TCEANC2: variants seen among roughly 807,000 people sequenced by gnomAD.
TCEANC2 encodes the protein transcription elongation factor A N-terminal and central domain-containing protein 2.
In TCEANC2, 20 loss-of-function variants were observed where a neutral mutation model predicts 22.8. The observed-to-expected ratio is 0.88, with a 90% CI of 0.62 to 1.28. The LOEUF is 1.28. Ranked by LOEUF, TCEANC2 falls within the 50% of genes most tolerant of loss-of-function variation. The probability of loss-of-function intolerance (pLI) is 0.00; values close to 1 mark genes in which losing one functional copy is unlikely to be tolerated. For missense variants in TCEANC2, 251 were observed against 249.7 expected, an observed-to-expected ratio of 1.01 and a Z score of -0.03; for synonymous variants, 84 against 95.5, an observed-to-expected ratio of 0.88 and a Z score of 0.70.
At chr1:54,083,232 A>G (rs187535597) in intron 3 of TCEANC2, among the ~76,000 whole-genome samples, 41 of 152,230 alleles carry the variant, frequency 2.7e-4, no homozygotes, top group Admixed American at 2.4e-3. Context: ...GCTCAGTGAG[A>G]ACCTTTGGCT....
In TCEANC2 at chr1:54,096,244, G is replaced by A. The variant is rs569577754; in HGVS notation, c.439-41G>A. Reference sequence around the variant, plus strand: ...AGCCTCTCTTGCTTTTAATCCTTACGCAATGTAAGGCTCTAATTTGATAAT... The same window carrying A: ...AGCCTCTCTTGCTTTTAATCCTTACACAATGTAAGGCTCTAATTTGATAAT... On this transcript the variant is annotated intron_variant, in intron 4 of 4. Coordinates refer to ENST00000234827, the MANE Select transcript of TCEANC2 (RefSeq NM_153035.3). The surrounding 1 kb of genome is among the most constrained non-coding windows in gnomAD (Gnocchi z 4.9). 3.9e-6 allele frequency: 6 copies of A among 1,556,402 alleles called. No homozygotes were observed. The highest frequency in any genetic ancestry group is 1.8e-5 in the Admixed American group (1 of 56,372).
Position 54,068,738 on chromosome 1 carries a change from GA to G in TCEANC2, c.103-17del. On this transcript the variant is annotated splice_polypyrimidine_tract_variant and intron_variant, in intron 2 of 4. Coordinates refer to ENST00000234827, the MANE Select transcript of TCEANC2 (RefSeq NM_153035.3). ...AATGAAAATGTTCCATTTTCCAAAT[GA>G]CTTTTCTTTTTCCCAGAGAGTTGTG... 2 of 1,581,846 alleles carry G rather than the reference GA, an allele frequency of 1.3e-6. No individual in the cohort carries two copies. Among genetic ancestry groups the G allele is most frequent in the Non-Finnish European group, 1.7e-6 (2 of 1,170,034 alleles).
At chr1:54,058,303 G>C (rs570581996) in intron 2 of TCEANC2, among the ~76,000 whole-genome samples, 1 of 152,104 alleles carries the variant, frequency 6.6e-6, no homozygotes, top group East Asian at 1.9e-4. Context: ...CTGAGACGCA[G>C]AGCCAATCTA....
Position 54,061,044 on chromosome 1 carries a change from G to T in TCEANC2, c.102+6520G>T, listed in dbSNP as rs149360711. Among the ~76,000 whole-genome samples, 19 of 152,248 alleles carry T rather than the reference G, an allele frequency of 1.2e-4. 1 individual carries two copies. In the East Asian group the frequency reaches 3.5e-3, roughly 28 times the overall value. ...GCAGGGCACCATAAAGGGACAGGAGGATTTGACTAGGTCTGATATACTCTA... is the reference window on the plus strand; with the variant it reads ...GCAGGGCACCATAAAGGGACAGGAGTATTTGACTAGGTCTGATATACTCTA... On this transcript the variant is annotated intron_variant, in intron 2 of 4. Transcript: ENST00000234827.
intron 4 of TCEANC2, among the ~76,000 whole-genome samples, chr1:54,095,494 A>AT (rs887931445): frequency 6.6e-6 from 1 of 152,276 alleles, no homozygotes; most frequent in African/African-American, 2.4e-5. Context: ...CCTACCCTGG[A>AT]TTCAGACCGT....
chr1:54,066,622 A>T (rs1384387297), intron 2 of TCEANC2, among the ~76,000 whole-genome samples: 2 of 152,256 alleles, frequency 1.3e-5, no homozygotes, highest in African/African-American at 4.8e-5. Flanking sequence ...ACATTTGTGT[A>T]TAAAAATAAT....
intron 2 of TCEANC2, among the ~76,000 whole-genome samples, chr1:54,062,290 TTGA>T (rs1469914842): frequency 2.6e-5 from 4 of 152,256 alleles, no homozygotes; most frequent in African/African-American, 9.6e-5. Flanking sequence ...AGTGTCCTTA[TTGA>T]TATTTTGTGT....
intron 3 of TCEANC2, among the ~76,000 whole-genome samples, chr1:54,078,704 T>C (rs1421155608): frequency 2.0e-5 from 3 of 152,178 alleles, no homozygotes; most frequent in Admixed American, 6.5e-5. Flanking sequence ...TGCCAGGAAG[T>C]GTTTGCTTGC....
At chr1:54,093,923 GCAAATGCTGCAGGA>G (rs1658494749) in intron 4 of TCEANC2, among the ~76,000 whole-genome samples, 1 of 152,068 alleles carries the variant, frequency 6.6e-6, no homozygotes, top group South Asian at 2.1e-4. Flanking sequence ...TTTCTTTCTG[GCAAATGCTGCAGGA>G]CAAATGCTGG....
intron 4 of TCEANC2, among the ~76,000 whole-genome samples, chr1:54,094,797 T>A (rs996336242): frequency 6.6e-6 from 1 of 151,966 alleles, no homozygotes; most frequent in Non-Finnish European, 1.5e-5. Context: ...AGAGAGAAAT[T>A]TGTCTCCTAT....
At position 54,096,302 on chromosome 1, in the gene TCEANC2, T is replaced by G; in HGVS notation, c.456T>G (p.Val152=). The G allele has an allele frequency of 6.3e-7, 1 of 1,596,742 alleles. No individual in the cohort carries two copies. The highest frequency in any genetic ancestry group is 1.3e-5 in the African/African-American group (1 of 74,748). Residue 152 remains valine (V), a synonymous_variant, in exon 5 of 5, where the codon GTT becomes GTG. Transcript: ENST00000234827. The surrounding 1 kb of genome is among the most constrained non-coding windows in gnomAD (Gnocchi z 4.9). ...ALELKMDHLL[V]ENIERETFHL... Reference sequence around the variant, plus strand: ...TTTTTTAGATGGATCACCTACTGGTTGAAAATATTGAACGGGAAACGTTTC... The same window carrying G: ...TTTTTTAGATGGATCACCTACTGGTGGAAAATATTGAACGGGAAACGTTTC...
intron 2 of TCEANC2, among the ~76,000 whole-genome samples, chr1:54,057,863 A>G (rs910075756): frequency 3.3e-5 from 5 of 152,050 alleles, no homozygotes; most frequent in African/African-American, 1.2e-4. Context: ...CAATTCCCCA[A>G]AGATGTTGTG....
intron 2 of TCEANC2, among the ~76,000 whole-genome samples, chr1:54,056,051 C>T (rs1657746339): frequency 6.6e-6 from 1 of 152,244 alleles, no homozygotes; most frequent in African/African-American, 2.4e-5. Context: ...TTTTTCCAGA[C>T]AGCACTTGAT....
In TCEANC2 at chr1:54,053,705, A is replaced by C. The variant is rs147598622; in HGVS notation, c.-96A>C. 1 of 154,234 alleles carries C rather than the reference A, an allele frequency of 6.5e-6. No individual in the cohort carries two copies. Among genetic ancestry groups the C allele is most frequent in the Non-Finnish European group, 1.4e-5 (1 of 69,094 alleles). 9.6% of individuals were successfully genotyped at this position (154,234 alleles called of 1,614,324 possible). On this transcript the variant is annotated 5_prime_UTR_variant, in exon 1 of 5. Coordinates refer to ENST00000234827, the MANE Select transcript of TCEANC2 (RefSeq NM_153035.3). ...CACAGACGACTGGGCTTGGGAGCCT[A>C]CGAGGTTGCAGTCTGGAGGGCGCCA... is the stretch of plus-strand genomic sequence containing the variant.
At chr1:54,062,541 T>C (rs1281628520) in intron 2 of TCEANC2, among the ~76,000 whole-genome samples, 1 of 152,176 alleles carries the variant, frequency 6.6e-6, no homozygotes, top group Admixed American at 6.5e-5. Context: ...AAATGAGAAA[T>C]GGTTCCAGCC....
In TCEANC2 at chr1:54,105,459, CA is replaced by C. The variant is rs1658736062; in HGVS notation, c.*8988del. 1 of 152,198 alleles carries C rather than the reference CA, an allele frequency of 6.6e-6. No homozygotes were observed. Among genetic ancestry groups the C allele is most frequent in the Non-Finnish European group, 1.5e-5 (1 of 68,056 alleles). 9.4% of individuals were successfully genotyped at this position (152,198 alleles called of 1,614,324 possible). A position where few individuals can be genotyped will look rare whatever the true frequency, so the allele number is the denominator to read the frequency against. ...GAGGTCTTCATACAGCATCGGAGCC[CA>C]ATTTATCTCTCTGAGCAATCCTGCT... On this transcript the variant is annotated 3_prime_UTR_variant, in exon 5 of 5. Transcript: ENST00000234827.
chr1:54,067,175 A>G (rs1485611706), intron 2 of TCEANC2, among the ~76,000 whole-genome samples: 4 of 152,246 alleles, frequency 2.6e-5, no homozygotes, highest in African/African-American at 9.6e-5. Flanking sequence ...AGAAGTGGGT[A>G]TATTGGGAGG....
At chr1:54,106,575 C>G (rs753039530), downstream of TCEANC2, among the ~76,000 whole-genome samples, 3 of 152,134 alleles carry the variant, frequency 2.0e-5, no homozygotes, top group Non-Finnish European at 4.4e-5. Flanking sequence ...ATTACCTTTT[C>G]AAGTGCTTAT....
downstream of TCEANC2, among the ~76,000 whole-genome samples, chr1:54,109,473 AGG>A (rs1658809072): frequency 6.6e-6 from 1 of 152,206 alleles, no homozygotes; most frequent in African/African-American, 2.4e-5. Context: ...TTTTCAGGTG[AGG>A]AAACTCCTAA....
Sources: gnomAD v4.1 joint callset for allele counts (sites outside exome capture counted in the v4.1 genomes callset) on GRCh38, gnomAD v4.1.1 for gene constraint, Gnocchi (gnomAD v3.1) non-coding constraint, MANE v1.5 for transcripts, NCBI Gene and HGNC (gene_info 2026-07-23, HGNC 2026-07-21) for gene names.